Variants in ULK4 observed in about 807,000 individuals in gnomAD.
ULK4 encodes the protein unc-51 like kinase 4.
A neutral mutation model predicts 160.6 loss-of-function variants in ULK4; 133 were observed. The observed-to-expected ratio is 0.83, with a 90% CI of 0.72 to 0.96. The LOEUF (loss-of-function observed/expected upper bound fraction) is 0.96, where lower values mean the gene tolerates loss of function less well. ULK4 is among the 40% of genes least tolerant of loss of function. The pLI, the probability that ULK4 is intolerant of heterozygous loss-of-function variation, is 0.00. For synonymous variants in ULK4, 534 were observed against 539.8 expected, an observed-to-expected ratio of 0.99 and a Z score of 0.15; for missense variants, 1,580 against 1,499.5, an observed-to-expected ratio of 1.05 and a Z score of -0.89.
chr3:41,250,039 G>C (rs2078716625), intron 35 of ULK4, among the ~76,000 whole-genome samples: 1 of 152,212 alleles, frequency 6.6e-6, no homozygotes, highest in South Asian at 2.1e-4. Flanking sequence ...ACCTGGGAGA[G>C]AGGCATTAAT....
chr3:41,444,715 C>T (rs1426756606), intron 34 of ULK4, among the ~76,000 whole-genome samples: 1 of 151,980 alleles, frequency 6.6e-6, no homozygotes, highest in Non-Finnish European at 1.5e-5. Flanking sequence ...CGCGGTGGCT[C>T]ACATCTGTAA....
chr3:41,650,035 C>A (rs569157258), intron 30 of ULK4, among the ~76,000 whole-genome samples: 12 of 151,976 alleles, frequency 7.9e-5, no homozygotes, highest in Admixed American at 1.3e-4. Context: ...CTCAACTTCT[C>A]GGGACAACCT....
At chr3:41,459,018 T>A (rs925796732) in intron 33 of ULK4, among the ~76,000 whole-genome samples, 44 of 150,834 alleles carry the variant, frequency 2.9e-4, no homozygotes, top group Admixed American at 2.6e-4. Context: ...CCTCCCAAAG[T>A]GCTGGGATTA....
At position 41,898,470 on chromosome 3, in the gene ULK4, TTAACTGGTGGCTGTTTCATTA is replaced by T; in HGVS notation, c.1289_1309del (p.Ile430_Val436del). On this transcript the variant is annotated inframe_deletion and splice_region_variant, in exon 14 of 37. Coordinates refer to ENST00000301831, the MANE Select transcript of ULK4 (RefSeq NM_017886.4). ...TAGATGCAATATTTTTGCATCAAAT[TTAACTGGTGGCTGTTTCATTA>T]TCTGTGGTTTAAAAAAAAAGAAAGC... is the stretch of plus-strand genomic sequence containing the variant. 6.3e-7 allele frequency: 1 copy of T among 1,599,190 alleles called. No individual in the cohort carries two copies. Among genetic ancestry groups the T allele is most frequent in the Non-Finnish European group, 8.5e-7 (1 of 1,174,218 alleles).
At chr3:41,789,598 A>G (rs1352236773) in intron 21 of ULK4, 63 bp downstream of exon 21, 4 of 1,420,620 alleles carry the variant, frequency 2.8e-6, no homozygotes, top group Admixed American at 5.0e-5. Flanking sequence ...TACTTGTGGA[A>G]CCACTAAAAT....
intron 34 of ULK4, among the ~76,000 whole-genome samples, chr3:41,452,885 G>A (rs2083453061): frequency 6.6e-6 from 1 of 152,068 alleles, no homozygotes; most frequent in Non-Finnish European, 1.5e-5. Context: ...TCAAAACATT[G>A]TATTTCAGTG....
intron 22 of ULK4, among the ~76,000 whole-genome samples, chr3:41,730,634 C>T (rs2037791444): frequency 6.6e-6 from 1 of 152,084 alleles, no homozygotes; most frequent in Non-Finnish European, 1.5e-5. Context: ...TAAAGTCTCC[C>T]ATCAAAGAAA....
intron 35 of ULK4, among the ~76,000 whole-genome samples, chr3:41,366,692 T>C (rs2081260896): frequency 6.6e-6 from 1 of 152,198 alleles, no homozygotes; most frequent in Non-Finnish European, 1.5e-5. Flanking sequence ...TATACCATTG[T>C]AGATATACAC....
At chr3:41,735,640 T>A (rs1559516781) in intron 22 of ULK4, among the ~76,000 whole-genome samples, 1 of 151,712 alleles carries the variant, frequency 6.6e-6, no homozygotes, top group Non-Finnish European at 1.5e-5. Flanking sequence ...TTACAGAGAG[T>A]CAAAACACTA....
intron 34 of ULK4, among the ~76,000 whole-genome samples, chr3:41,413,777 T>C (rs1254664822): frequency 1.3e-5 from 2 of 152,232 alleles, no homozygotes; most frequent in African/African-American, 4.8e-5. Flanking sequence ...GACTCCTTTT[T>C]CTAGAAACTT....
At position 41,424,831 on chromosome 3, in the gene ULK4, C is replaced by CAAAAAAAAAAAAAAAAAA. The variant is rs36097613; in HGVS notation, c.3493-26585_3493-26568dup. ...TAATCTCACAAAGATAAGAAATCAT[C>CAAAAAAAAAAAAAAAAAA]AAAAAAAAAAAAAAAAAAAAAAAGG... On this transcript the variant is annotated intron_variant, in intron 34 of 36. Coordinates refer to ENST00000301831, the MANE Select transcript of ULK4 (RefSeq NM_017886.4). Among the ~76,000 whole-genome samples the CAAAAAAAAAAAAAAAAAA allele has an allele frequency of 6.3e-4, 39 of 62,400 alleles. 1 individual carries two copies. Among genetic ancestry groups the CAAAAAAAAAAAAAAAAAA allele is most frequent in the East Asian group, 1.2e-3 (2 of 1,712 alleles). The allele number at this position is 62,400 out of a possible 152,430, so 40.9% of individuals were successfully genotyped here. A position where few individuals can be genotyped will look rare whatever the true frequency, so the allele number is the denominator to read the frequency against.
chr3:41,907,268 T>C (rs1298898131), intron 12 of ULK4, among the ~76,000 whole-genome samples: 1 of 150,978 alleles, frequency 6.6e-6, no homozygotes, highest in Admixed American at 6.7e-5. Flanking sequence ...CCTCTGAATA[T>C]GCTAAAGGTC....
rs6799187 is a variant in ULK4 at position 41,274,078 on chromosome 3, T to C, written c.3679-24504A>G. 1.6e-3 allele frequency among the ~76,000 whole-genome samples: 237 copies of C among 152,274 alleles called. 4 individuals carry two copies. The highest frequency in any genetic ancestry group is 5.2e-3 in the African/African-American group (215 of 41,548). On this transcript the variant is annotated intron_variant, in intron 35 of 36. Transcript: ENST00000301831. ...AACTAAAGACACCCTCCATATGCTG[T>C]GGCCTGTAAACTCTCAAGGCAGTAA...
intron 22 of ULK4, among the ~76,000 whole-genome samples, chr3:41,733,723 T>G (rs1355032445): frequency 7.1e-6 from 1 of 141,158 alleles, no homozygotes; most frequent in African/African-American, 2.8e-5. Flanking sequence ...ACTAAACACA[T>G]GATTTTTTTT....
chr3:41,360,719 G>C (rs149352699), intron 35 of ULK4, among the ~76,000 whole-genome samples: 2 of 152,214 alleles, frequency 1.3e-5, no homozygotes, highest in African/African-American at 2.4e-5. Context: ...TGAACGATGA[G>C]AACACATGTA....
At chr3:41,672,247 T>C (rs1159263675) in intron 29 of ULK4, among the ~76,000 whole-genome samples, 1 of 152,108 alleles carries the variant, frequency 6.6e-6, no homozygotes, top group Non-Finnish European at 1.5e-5. Context: ...AATCAATGTA[T>C]CAAAGAAACA....
chr3:41,870,257 A>T (rs2125692319), intron 17 of ULK4, among the ~76,000 whole-genome samples: 1 of 152,322 alleles, frequency 6.6e-6, no homozygotes, highest in South Asian at 2.1e-4. Flanking sequence ...ATCAATTTGG[A>T]AACATTTTCA....
At chr3:41,455,878 G>C (rs1434135275) in intron 33 of ULK4, among the ~76,000 whole-genome samples, 1 of 152,170 alleles carries the variant, frequency 6.6e-6, no homozygotes, top group Non-Finnish European at 1.5e-5. Context: ...GAATAATGGT[G>C]ATGTCCCATA....
At chr3:41,866,202 G>A (rs1696866912) in intron 17 of ULK4, among the ~76,000 whole-genome samples, 1 of 152,182 alleles carries the variant, frequency 6.6e-6, no homozygotes, top group Non-Finnish European at 1.5e-5. Context: ...CCACATGCAA[G>A]CTATATGTAC....
Sources: allele counts gnomAD v4.1 joint callset (sites outside exome capture counted in the v4.1 genomes callset), GRCh38; gene constraint gnomAD v4.1.1; transcripts MANE v1.5; gene names NCBI Gene and HGNC (gene_info 2026-07-23, HGNC 2026-07-21).